Variants in FOXP1 observed in about 807,000 individuals in gnomAD.
FOXP1 encodes forkhead box P1, also known as forkhead box protein P1.
In FOXP1, 15 loss-of-function variants were observed where a neutral mutation model predicts 98.2. The observed-to-expected ratio is 0.15, with a 90% confidence interval of 0.10 to 0.24. The LOEUF (loss-of-function observed/expected upper bound fraction) is 0.24. Among genes scored for constraint, FOXP1 ranks in the 10% least tolerant of loss-of-function variants. The probability of loss-of-function intolerance (pLI) is 1.00; values close to 1 mark genes in which losing one functional copy is unlikely to be tolerated. For synonymous variants in FOXP1, 371 were observed against 314.5 expected, an observed-to-expected ratio of 1.18 and a Z score of -1.90; for missense variants, 633 against 848.5, an observed-to-expected ratio of 0.75 and a Z score of 3.15.
chr3:71,165,200 A>T (rs899501106), intron 6 of FOXP1, among the ~76,000 whole-genome samples: 28 of 152,076 alleles, frequency 1.8e-4, no homozygotes, highest in Admixed American at 5.9e-4. Context: ...TGATTTTATA[A>T]AACGTTACTA....
chr3:71,099,093 C>T (rs954885329), intron 7 of FOXP1, among the ~76,000 whole-genome samples: 1 of 152,116 alleles, frequency 6.6e-6, no homozygotes, highest in Non-Finnish European at 1.5e-5. Context: ...ATTCCGGTTA[C>T]CCAAAAGTTG....
chr3:71,438,507 A>AT (rs757149832), intron 3 of FOXP1, among the ~76,000 whole-genome samples: 6 of 152,070 alleles, frequency 3.9e-5, no homozygotes, highest in Non-Finnish European at 8.8e-5. Flanking sequence ...TCACAAAAGG[A>AT]TTTAGCATCC....
intron 5 of FOXP1, among the ~76,000 whole-genome samples, chr3:71,269,100 T>G (rs1341655408): frequency 2.1e-5 from 3 of 145,982 alleles, no homozygotes; most frequent in African/African-American, 7.9e-5. Flanking sequence ...TTTTTTTTGT[T>G]TTTTTTTTTT....
intron 4 of FOXP1, among the ~76,000 whole-genome samples, chr3:71,302,168 A>G (rs2073900585): frequency 6.6e-6 from 1 of 152,204 alleles, no homozygotes; most frequent in Non-Finnish European, 1.5e-5. Flanking sequence ...AAGTAATCTA[A>G]CAGACATTTT....
At chr3:71,037,046 G>A (rs988181862) in intron 11 of FOXP1, among the ~76,000 whole-genome samples, 1 of 152,122 alleles carries the variant, frequency 6.6e-6, no homozygotes, top group Non-Finnish European at 1.5e-5. Flanking sequence ...ATGACCCTGG[G>A]TTAGTTATTT....
At chr3:71,098,647 T>G (rs751188420) in intron 7 of FOXP1, among the ~76,000 whole-genome samples, 6 of 152,236 alleles carry the variant, frequency 3.9e-5, no homozygotes, top group African/African-American at 9.6e-5. Context: ...CAGTCACTCA[T>G]TCATCACTCA....
chr3:71,460,020 G>A (rs1470817914), intron 3 of FOXP1, among the ~76,000 whole-genome samples: 4 of 147,242 alleles, frequency 2.7e-5, no homozygotes, highest in African/African-American at 1.0e-4. Flanking sequence ...TGCAAGCTCT[G>A]CCTCCCGGGT....
At chr3:71,118,235 C>T (rs1432640947) in intron 6 of FOXP1, among the ~76,000 whole-genome samples, 1 of 152,138 alleles carries the variant, frequency 6.6e-6, no homozygotes, top group Non-Finnish European at 1.5e-5. Flanking sequence ...TCTATTGGTC[C>T]AAGATTACTT....
chr3:71,481,591 TAGTC>T (rs994530029), intron 3 of FOXP1, among the ~76,000 whole-genome samples: 5 of 152,234 alleles, frequency 3.3e-5, no homozygotes, highest in African/African-American at 7.2e-5. Context: ...ATTTGCATCT[TAGTC>T]AGTCGTCTTT....
At chr3:71,086,017 C>T (rs1022905599) in intron 7 of FOXP1, among the ~76,000 whole-genome samples, 16 of 152,134 alleles carry the variant, frequency 1.1e-4, no homozygotes, top group Admixed American at 9.2e-4. Flanking sequence ...CGTGAGCCAC[C>T]GCACATTTAC....
At chr3:71,433,549 A>T (rs539007138) in intron 3 of FOXP1, among the ~76,000 whole-genome samples, 2 of 152,326 alleles carry the variant, frequency 1.3e-5, no homozygotes, top group South Asian at 4.1e-4. Context: ...GAATAATCTC[A>T]GATTGTGCAA....
intron 3 of FOXP1, among the ~76,000 whole-genome samples, chr3:71,399,368 A>T (rs929427552): frequency 6.6e-6 from 1 of 152,266 alleles, no homozygotes; most frequent in Non-Finnish European, 1.5e-5. Flanking sequence ...CCAGAAATTT[A>T]AGAAAAGGTG....
intron 3 of FOXP1, among the ~76,000 whole-genome samples, chr3:71,474,972 C>G (rs994013200): frequency 1.3e-5 from 2 of 152,004 alleles, no homozygotes; most frequent in African/African-American, 2.4e-5. Context: ...CCCACTGAAG[C>G]CTTCCTCATG....
intron 5 of FOXP1, among the ~76,000 whole-genome samples, chr3:71,258,734 T>C (rs1576627534): frequency 6.6e-6 from 1 of 152,156 alleles, no homozygotes; most frequent in Admixed American, 6.5e-5. Flanking sequence ...GCTTAAGGCT[T>C]TAAGTGTGGG....
At chr3:71,281,276 G>C (rs1459482358) in intron 5 of FOXP1, among the ~76,000 whole-genome samples, 1 of 151,952 alleles carries the variant, frequency 6.6e-6, no homozygotes, top group Admixed American at 6.6e-5. Flanking sequence ...ACAGATTCTG[G>C]AGTTTTCCGA....
At chr3:71,481,542 C>T (rs1312810083) in intron 3 of FOXP1, among the ~76,000 whole-genome samples, 1 of 152,210 alleles carries the variant, frequency 6.6e-6, no homozygotes, top group Non-Finnish European at 1.5e-5. Context: ...CCACTTCCTA[C>T]CTTTTTTATT....
At chr3:71,122,394 C>A (rs76877174) in intron 6 of FOXP1, among the ~76,000 whole-genome samples, 1 of 152,042 alleles carries the variant, frequency 6.6e-6, no homozygotes, top group Non-Finnish European at 1.5e-5. Flanking sequence ...ATCCAAAATG[C>A]GGAACTACTC....
chr3:71,232,404 C>G (rs562079520), intron 5 of FOXP1, among the ~76,000 whole-genome samples: 2 of 152,260 alleles, frequency 1.3e-5, no homozygotes, highest in African/African-American at 4.8e-5. Flanking sequence ...AGAAGCAGCA[C>G]TAATAATAGT....
At chr3:71,545,610 A>G (rs1358987486) in intron 2 of FOXP1, among the ~76,000 whole-genome samples, 1 of 152,180 alleles carries the variant, frequency 6.6e-6, no homozygotes, top group Non-Finnish European at 1.5e-5. Context: ...TAAAATCCTA[A>G]AAGTTTTCAG....
Sources: allele counts gnomAD v4.1 joint callset (sites outside exome capture counted in the v4.1 genomes callset), GRCh38; gene constraint gnomAD v4.1.1; transcripts MANE v1.5; gene names NCBI Gene and HGNC (gene_info 2026-07-23, HGNC 2026-07-21).